The following TTC7B variants were observed in gnomAD, a reference collection of about 807,000 sequenced individuals.
TTC7B encodes tetratricopeptide repeat protein 7B.
Under a neutral mutation model 106.8 loss-of-function variants are expected in TTC7B, and 28 were observed. The observed-to-expected ratio is 0.26, with a 90% confidence interval of 0.19 to 0.36. TTC7B has a LOEUF of 0.36. Ranked by LOEUF, TTC7B falls within the 10% of genes least tolerant of loss-of-function variation. The pLI is 1.00. For synonymous variants in TTC7B, 405 were observed against 430.6 expected, an observed-to-expected ratio of 0.94 and a Z score of 0.74; for missense variants, 862 against 1,076.4, an observed-to-expected ratio of 0.80 and a Z score of 2.79.
chr14:90,744,223 C>T (rs2140001672), intron 4 of TTC7B, among the ~76,000 whole-genome samples: 1 of 152,292 alleles, frequency 6.6e-6, no homozygotes, highest in Non-Finnish European at 1.5e-5. Flanking sequence ...CTTCAGGGTG[C>T]TGAAGGTATG....
intron 9 of TTC7B, among the ~76,000 whole-genome samples, chr14:90,668,506 T>C (rs148641575): frequency 3.4e-4 from 52 of 152,322 alleles, no homozygotes; most frequent in African/African-American, 1.2e-3. Flanking sequence ...TATTATTTCA[T>C]ACAAAGGAGA....
At position 90,618,029 on chromosome 14, in the gene TTC7B, C is replaced by T; in HGVS notation, c.1768G>A (p.Val590Met). The T allele has an allele frequency of 1.2e-6, 2 of 1,613,496 alleles. No homozygotes were observed. The highest frequency in any genetic ancestry group is 1.7e-6 in the Non-Finnish European group (2 of 1,179,378). Residue 590 changes from valine (V) to methionine (M), a missense_variant, in exon 16 of 20, where the codon GTG becomes ATG. Transcript: ENST00000328459. ...PENFILLFSK[V>M]KLQSLCRGPD... ...CCTCGGCAGAGTGACTGCAACTTCA[C>T]TTTGGAAAACAGTAGTCTGCAGTGG... is the stretch of plus-strand genomic sequence containing the variant.
chr14:90,801,410 T>A (rs544329010), intron 1 of TTC7B, among the ~76,000 whole-genome samples: 6 of 152,110 alleles, frequency 3.9e-5, no homozygotes, highest in African/African-American at 1.4e-4. Context: ...GACATCTGTA[T>A]TGTCTGAAGC....
chr14:90,615,722 C>A (rs890323513), intron 16 of TTC7B, among the ~76,000 whole-genome samples: 2 of 152,308 alleles, frequency 1.3e-5, no homozygotes, highest in Middle Eastern at 3.4e-3. Flanking sequence ...ACTACATTTA[C>A]ATAATGATAA....
intron 15 of TTC7B, among the ~76,000 whole-genome samples, chr14:90,631,628 G>A (rs1039541793): frequency 4.6e-5 from 7 of 151,744 alleles, no homozygotes; most frequent in African/African-American, 1.5e-4. Flanking sequence ...AGCTGGTCTC[G>A]AACTCCTGAC....
chr14:90,732,550 G>A (rs1256032954), intron 4 of TTC7B, among the ~76,000 whole-genome samples: 1 of 152,116 alleles, frequency 6.6e-6, no homozygotes, highest in African/African-American at 2.4e-5. Context: ...GCTAATTCTT[G>A]TATTTTTTGT....
At chr14:90,564,868 G>T (rs565720816) in intron 19 of TTC7B, among the ~76,000 whole-genome samples, 1 of 152,180 alleles carries the variant, frequency 6.6e-6, no homozygotes, top group Non-Finnish European at 1.5e-5. Flanking sequence ...CTATGACTGC[G>T]CTGCTGCACT....
chr14:90,700,370 A>T (rs1409438375), intron 5 of TTC7B, among the ~76,000 whole-genome samples: 2 of 152,012 alleles, frequency 1.3e-5, no homozygotes, highest in African/African-American at 4.8e-5. Flanking sequence ...AGCACTTTAT[A>T]CCTTTCCATA....
At position 90,656,764 on chromosome 14, in the gene TTC7B, G is replaced by A. The variant is rs186046036; in HGVS notation, c.1341+410C>T. ...GCTCTGATCGTGCACTCCAGCCTGG[G>A]TGACAGAGCAAGACCCTGTCTCAAA... On this transcript the variant is annotated intron_variant, in intron 11 of 19. Coordinates refer to ENST00000328459, the MANE Select transcript of TTC7B (RefSeq NM_001010854.2). 2.0e-5 allele frequency among the ~76,000 whole-genome samples: 3 copies of A among 152,288 alleles called. No individual in the cohort carries two copies. In the East Asian group the frequency reaches 5.8e-4, roughly 29 times the overall value.
At chr14:90,664,619 A>G (rs1886339301) in intron 9 of TTC7B, among the ~76,000 whole-genome samples, 2 of 152,164 alleles carry the variant, frequency 1.3e-5, no homozygotes, top group South Asian at 4.1e-4. Flanking sequence ...CATTGATGAA[A>G]ACGGACTTTT....
intron 9 of TTC7B, among the ~76,000 whole-genome samples, chr14:90,659,525 A>G (rs940027530): frequency 6.6e-6 from 1 of 152,114 alleles, no homozygotes; most frequent in Non-Finnish European, 1.5e-5. Context: ...CAGACCATGG[A>G]AAGGGAGAGA....
intron 3 of TTC7B, among the ~76,000 whole-genome samples, chr14:90,755,651 C>T (rs1890265250): frequency 8.6e-6 from 1 of 116,052 alleles, no homozygotes; most frequent in South Asian, 2.9e-4. Flanking sequence ...AGGGCAAGAC[C>T]CTGTCACTAA....
At chr14:90,786,423 G>T in intron 1 of TTC7B, 95 bp from the exon 2 acceptor site, 1 of 1,478,436 alleles carries the variant, frequency 6.8e-7, no homozygotes, top group Non-Finnish European at 9.2e-7. Context: ...ACCCTCCGAG[G>T]CTCCAGGCCC....
intron 1 of TTC7B, among the ~76,000 whole-genome samples, chr14:90,814,245 G>A (rs1351640740): frequency 6.6e-6 from 1 of 152,178 alleles, no homozygotes; most frequent in Non-Finnish European, 1.5e-5. Flanking sequence ...CGGGGGCCAT[G>A]AAGGTGAATA....
In TTC7B at chr14:90,798,709, C is replaced by CAAAAAAAAAAA. The variant is rs36223089; in HGVS notation, c.122-12392_122-12382dup. Among the ~76,000 whole-genome samples, 19 of 52,300 alleles carry CAAAAAAAAAAA rather than the reference C, an allele frequency of 3.6e-4. 1 individual carries two copies. Among genetic ancestry groups the CAAAAAAAAAAA allele is most frequent in the East Asian group, 8.3e-4 (1 of 1,198 alleles). 34.3% of individuals were successfully genotyped at this position (52,300 alleles called of 152,430 possible). On this transcript the variant is annotated intron_variant, in intron 1 of 19. Coordinates refer to ENST00000328459, the MANE Select transcript of TTC7B (RefSeq NM_001010854.2). ...TGGGCGACAGAGTGAGACTCCATCT[C>CAAAAAAAAAAA]AAAAAAAAAAAAAAAAAAAAAAACA...
At chr14:90,699,408 A>C in intron 5 of TTC7B, 1 of 351,334 alleles carries the variant, frequency 2.8e-6, no homozygotes, top group Non-Finnish European at 5.5e-6. Flanking sequence ...ATTTCTTGGG[A>C]GTAGGGTGGG....
intron 5 of TTC7B, among the ~76,000 whole-genome samples, chr14:90,700,075 CT>C (rs1887926674): frequency 6.6e-6 from 1 of 152,214 alleles, no homozygotes; most frequent in Non-Finnish European, 1.5e-5. Flanking sequence ...TTCTTTCTCA[CT>C]GAACACAGTT....
chr14:90,541,274 T>C lies in TTC7B; in HGVS notation c.*94A>G, dbSNP rs1294572. 1,128,527 of 1,194,740 alleles carry C rather than the reference T, an allele frequency of 0.94. 533,394 individuals are homozygous for C. The highest frequency in any genetic ancestry group is 1 in the East Asian group (39,508 of 39,520). 74.0% of individuals were successfully genotyped at this position (1,194,740 alleles called of 1,614,324 possible). A position where few individuals can be genotyped will look rare whatever the true frequency, so the allele number is the denominator to read the frequency against. On this transcript the variant is annotated 3_prime_UTR_variant, in exon 20 of 20. Coordinates refer to ENST00000328459, the MANE Select transcript of TTC7B (RefSeq NM_001010854.2). ...TGAACACTCGTCCCTGGCCTCAGTGTGGCAGATTCATCCCCTTGGGGCGAT... is the reference window on the plus strand; with the variant it reads ...TGAACACTCGTCCCTGGCCTCAGTGCGGCAGATTCATCCCCTTGGGGCGAT...
chr14:90,578,942 G>A lies in TTC7B; in HGVS notation c.2108-634C>T, dbSNP rs889130484. On this transcript the variant is annotated intron_variant, in intron 18 of 19. Transcript: ENST00000328459. The surrounding 1 kb of genome is among the most constrained non-coding windows in gnomAD (Gnocchi z 4.7). The stretch of plus-strand genomic sequence containing the variant: ...AAGCCCTTTGACAAGCCAAGCTATC[G>A]CTTTTAAAACAAGCAGGAAAATGAC... Among the ~76,000 whole-genome samples, 8 of 152,168 alleles carry A rather than the reference G, an allele frequency of 5.3e-5. No individual in the cohort carries two copies. Among genetic ancestry groups the A allele is most frequent in the African/African-American group, 1.7e-4 (7 of 41,444 alleles).
Sources: allele counts gnomAD v4.1 joint callset (sites outside exome capture counted in the v4.1 genomes callset), GRCh38; gene constraint gnomAD v4.1.1; non-coding constraint Gnocchi (gnomAD v3.1); transcripts MANE v1.5; gene names NCBI Gene and HGNC (gene_info 2026-07-23, HGNC 2026-07-21).